CACNA2D3: variants seen among roughly 807,000 people sequenced by gnomAD.
The protein encoded by CACNA2D3 is calcium voltage-gated channel auxiliary subunit alpha2delta 3.
CACNA2D3 carries 60 observed loss-of-function variants against 160.6 expected under a neutral mutation model. That is an observed-to-expected ratio of 0.37 (90% CI 0.30 to 0.46). The LOEUF (loss-of-function observed/expected upper bound fraction) is 0.46. Among genes scored for constraint, CACNA2D3 ranks in the 20% least tolerant of loss-of-function variants. The pLI is 1.00. For missense variants in CACNA2D3, 1,205 were observed against 1,365.0 expected (o/e 0.88, Z 1.85); for synonymous variants, 558 against 492.9 (o/e 1.13, Z -1.75).
intron 17 of CACNA2D3, among the ~76,000 whole-genome samples, chr3:54,871,182 GAC>G (rs376258511): frequency 0.02 from 2,590 of 127,622 alleles, 46 homozygotes; most frequent in African/African-American, 0.041. Flanking sequence ...TATAGGTGGA[GAC>G]ACACACACAC....
At chr3:54,618,404 C>CACAT (rs1221903418) in intron 9 of CACNA2D3, among the ~76,000 whole-genome samples, 6 of 149,912 alleles carry the variant, frequency 4.0e-5, no homozygotes, top group African/African-American at 1.5e-4. Flanking sequence ...CACACACACA[C>CACAT]ACACACACAG....
At chr3:54,956,850 A>G (rs1477558115) in intron 27 of CACNA2D3, among the ~76,000 whole-genome samples, 2 of 152,082 alleles carry the variant, frequency 1.3e-5, no homozygotes, top group African/African-American at 2.4e-5. Context: ...TTTATCTGAC[A>G]GAAAAGAACA....
chr3:54,547,006 G>T (rs965236977), intron 5 of CACNA2D3, among the ~76,000 whole-genome samples: 1 of 152,150 alleles, frequency 6.6e-6, no homozygotes, highest in African/African-American at 2.4e-5. Flanking sequence ...GCACTTGTCC[G>T]TGCCACTCAG....
At chr3:54,393,293 T>A (rs1699314404) in intron 4 of CACNA2D3, among the ~76,000 whole-genome samples, 1 of 152,220 alleles carries the variant, frequency 6.6e-6, no homozygotes, top group Admixed American at 6.5e-5. Flanking sequence ...CTGAGGGAGC[T>A]GGCTGGTGTC....
At chr3:54,234,636 A>G (rs1305547726) in intron 2 of CACNA2D3, among the ~76,000 whole-genome samples, 1 of 152,226 alleles carries the variant, frequency 6.6e-6, no homozygotes, top group Non-Finnish European at 1.5e-5. Flanking sequence ...AGATTGGATA[A>G]AGAAAATGTG....
chr3:54,891,233 T>C, intron 24 of CACNA2D3, 122 bp from the exon 25 acceptor site: 1 of 597,122 alleles, frequency 1.7e-6, no homozygotes, highest in Non-Finnish European at 3.0e-6. Flanking sequence ...TTCTGTATCT[T>C]CTTTTAAAGT....
At chr3:54,142,052 G>A (rs1327852627) in intron 2 of CACNA2D3, among the ~76,000 whole-genome samples, 8 of 152,292 alleles carry the variant, frequency 5.3e-5, no homozygotes, top group African/African-American at 9.6e-5. Flanking sequence ...GACCTGCTCT[G>A]GTCTGGGTTC....
chr3:54,352,253 C>A (rs946810463), intron 3 of CACNA2D3, among the ~76,000 whole-genome samples: 2 of 152,062 alleles, frequency 1.3e-5, no homozygotes, highest in African/African-American at 4.8e-5. Context: ...TCTACTGAGT[C>A]GTTTATAAAA....
chr3:54,878,094 C>G (rs998620039), intron 18 of CACNA2D3, among the ~76,000 whole-genome samples: 2 of 152,288 alleles, frequency 1.3e-5, no homozygotes, highest in Non-Finnish European at 2.9e-5. Context: ...AAACCCAAAT[C>G]TAGACAGCCT....
chr3:54,843,328 C>T (rs1462302577), intron 16 of CACNA2D3, among the ~76,000 whole-genome samples: 1 of 152,170 alleles, frequency 6.6e-6, no homozygotes, highest in African/African-American at 2.4e-5. Context: ...AAGCAAAGTG[C>T]AGGTCAGGAG....
chr3:54,956,130 T>G (rs2048809), intron 27 of CACNA2D3, among the ~76,000 whole-genome samples: 76,479 of 151,974 alleles, frequency 0.5, 21,482 homozygotes, highest in Admixed American at 0.68. Context: ...AGGATCTGCC[T>G]TGGGCCAGGT....
At chr3:54,188,517 C>T (rs1036587172) in intron 2 of CACNA2D3, among the ~76,000 whole-genome samples, 1 of 152,188 alleles carries the variant, frequency 6.6e-6, no homozygotes, top group Non-Finnish European at 1.5e-5. Flanking sequence ...GCTACGACAC[C>T]TCTTGACTGG....
chr3:54,184,473 G>T (rs961307568), intron 2 of CACNA2D3, among the ~76,000 whole-genome samples: 2 of 152,202 alleles, frequency 1.3e-5, no homozygotes, highest in African/African-American at 4.8e-5. Flanking sequence ...GAGTCCTGAG[G>T]TCTGGGTTTG....
intron 4 of CACNA2D3, among the ~76,000 whole-genome samples, chr3:54,428,414 G>C (rs1057451608): frequency 1.3e-5 from 2 of 152,116 alleles, no homozygotes; most frequent in African/African-American, 4.8e-5. Flanking sequence ...ACTGGGGGCC[G>C]AGATCTGATT....
intron 3 of CACNA2D3, among the ~76,000 whole-genome samples, chr3:54,361,752 G>A (rs1011424023): frequency 6.6e-6 from 1 of 152,186 alleles, no homozygotes; most frequent in African/African-American, 2.4e-5. Flanking sequence ...AATGATAGTA[G>A]CTGCCTTACC....
At chr3:54,146,293 C>T (rs1481842256) in intron 2 of CACNA2D3, among the ~76,000 whole-genome samples, 1 of 152,232 alleles carries the variant, frequency 6.6e-6, no homozygotes, top group Non-Finnish European at 1.5e-5. Context: ...CAGTCTGTGA[C>T]CTCCACTACA....
intron 13 of CACNA2D3, among the ~76,000 whole-genome samples, chr3:54,790,769 C>T (rs1702738086): frequency 6.6e-6 from 1 of 152,156 alleles, no homozygotes; most frequent in Non-Finnish European, 1.5e-5. Context: ...TAGTGACTCA[C>T]TGAGCTGGTG....
chr3:54,713,345 T>G (rs776911300), intron 11 of CACNA2D3, among the ~76,000 whole-genome samples: 1 of 152,170 alleles, frequency 6.6e-6, no homozygotes, highest in African/African-American at 2.4e-5. Flanking sequence ...AAACGTGTGG[T>G]TTGGGCAAAG....
chr3:54,887,977 A>G lies in CACNA2D3; in HGVS notation c.2075A>G (p.Gln692Arg). ...CCAACAGGTGATAAAGAATTGATCC[A>G]AGAAGTCCTTTTTGACGCGGTGGTG... ...PLLQCDKELI[Q>R]EVLFDAVVSA... The change falls in exon 24 of 38, where the codon CAA (glutamine) becomes CGA (arginine). Residue 692 changes from glutamine to arginine, a missense_variant. This residue lies in a region of CACNA2D3 where 911 missense variants were observed against 1,002.2 expected (regional missense o/e 0.91). Transcript: ENST00000474759. 6.2e-7 allele frequency: 1 copy of G among 1,613,934 alleles called. No homozygotes were observed.
Sources: allele counts gnomAD v4.1 joint callset (sites outside exome capture counted in the v4.1 genomes callset), GRCh38; gene constraint gnomAD v4.1.1; regional missense constraint gnomAD v4.1.1; transcripts MANE v1.5; gene names NCBI Gene and HGNC (gene_info 2026-07-23, HGNC 2026-07-21).